Variants in UNC79 observed in about 807,000 individuals in gnomAD.
UNC79 encodes the protein protein unc-79 homolog.
In UNC79, 37 loss-of-function variants were observed where a neutral mutation model predicts 283.1. The ratio of observed to expected loss-of-function variants is 0.13; its 90% CI spans 0.10 to 0.17. The LOEUF (loss-of-function observed/expected upper bound fraction) is 0.17. Among genes scored for constraint, UNC79 ranks in the 10% least tolerant of loss-of-function variants. The pLI is 1.00. For synonymous variants in UNC79, 1,107 were observed against 1,200.2 expected, an observed-to-expected ratio of 0.92 and a Z score of 1.61; for missense variants, 2,272 against 3,211.1, an observed-to-expected ratio of 0.71 and a Z score of 7.07.
chr14:93,659,312 AC>A lies in UNC79; in HGVS notation c.6525+53del, dbSNP rs1274688701. 1.0e-5 allele frequency: 15 copies of A among 1,445,012 alleles called. No homozygotes were observed. In the East Asian group the frequency reaches 2.5e-4, roughly 24 times the overall value. The allele number at this position is 1,445,012 out of a possible 1,614,324, so 89.5% of individuals were successfully genotyped here. A position where few individuals can be genotyped will look rare whatever the true frequency, so the allele number is the denominator to read the frequency against. On this transcript the variant is annotated intron_variant, in intron 39 of 48. Coordinates refer to ENST00000555664, the Ensembl canonical transcript of UNC79. Reference sequence around the variant, plus strand: ...CCAATTGGTTAGTCAGTTTTTTTTAACCTAATGAGATAGGCTTGTAGCAATA... The same window carrying A: ...CCAATTGGTTAGTCAGTTTTTTTTAACTAATGAGATAGGCTTGTAGCAATA...
At chr14:93,446,100 G>T (rs551144195) in intron 1 of UNC79, among the ~76,000 whole-genome samples, 7 of 151,818 alleles carry the variant, frequency 4.6e-5, no homozygotes, top group Non-Finnish European at 8.8e-5. Flanking sequence ...TTGTTTCTCT[G>T]TTTCCTATTT....
At chr14:93,660,555 ATATATATATGTGTG>A (rs1422029797) in intron 39 of UNC79, among the ~76,000 whole-genome samples, 2 of 92,838 alleles carry the variant, frequency 2.2e-5, no homozygotes, top group African/African-American at 4.9e-5. Context: ...ATATATATAT[ATATATATATGTGTG>A]TGTGTGTGTG....
exon 1 of UNC79, chr14:93,333,246 C>G (rs1023921636): frequency 9.9e-6 from 4 of 402,090 alleles, no homozygotes; most frequent in Non-Finnish European, 1.7e-5. Context: ...GGGAGCCGGG[C>G]GTCGGGTCGC....
intron 1 of UNC79, among the ~76,000 whole-genome samples, chr14:93,443,394 A>T (rs1276969740): frequency 6.7e-6 from 1 of 149,030 alleles, no homozygotes; most frequent in Non-Finnish European, 1.5e-5. Context: ...AAATGGAATC[A>T]TTCAGTGCAT....
chr14:93,622,969 C>G (rs1323757082), intron 30 of UNC79, 128 bp downstream of exon 32: 1 of 1,237,442 alleles, frequency 8.1e-7, no homozygotes, highest in Non-Finnish European at 1.1e-6. Flanking sequence ...ATTATAATGG[C>G]TTCTCAATCA....
intron 1 of UNC79, among the ~76,000 whole-genome samples, chr14:93,362,405 A>G (rs1325714220): frequency 6.6e-6 from 1 of 151,806 alleles, no homozygotes; most frequent in Admixed American, 6.6e-5. Flanking sequence ...CTGGAGTGCA[A>G]TGGCGCTATC....
chr14:93,524,168 C>T (rs1181918583), intron 8 of UNC79, 126 bp downstream of exon 8: 3 of 1,015,024 alleles, frequency 3.0e-6, no homozygotes, highest in African/African-American at 1.6e-5. Context: ...CGAAGTACCT[C>T]CATATTCAAT....
At position 93,566,897 on chromosome 14, in the gene UNC79, T is replaced by G. The variant is rs188386669; in HGVS notation, c.1756-4997T>G. ...CTCCCAAAGTGCTGGGATTACAGGC[T>G]TGAGCCACCACGCTCGGCCTGGAAT... On this transcript the variant is annotated intron_variant, in intron 14 of 48. Coordinates refer to ENST00000555664, the Ensembl canonical transcript of UNC79. Among the ~76,000 whole-genome samples the G allele has an allele frequency of 8.1e-4, 123 of 152,076 alleles. 1 individual carries two copies. The highest frequency in any genetic ancestry group is 6.8e-3 in the Middle Eastern group (2 of 294).
intron 1 of UNC79, among the ~76,000 whole-genome samples, chr14:93,402,299 AGAAAAG>A (rs2055126842): frequency 6.8e-6 from 1 of 147,742 alleles, no homozygotes; most frequent in South Asian, 2.1e-4. Flanking sequence ...AAAAAAGAAA[AGAAAAG>A]AAAAAAAAAA....
At chr14:93,490,875 C>T (rs1595621233) in intron 5 of UNC79, among the ~76,000 whole-genome samples, 1 of 152,188 alleles carries the variant, frequency 6.6e-6, no homozygotes, top group African/African-American at 2.4e-5. Flanking sequence ...AAGCCACTTC[C>T]ACATTTTTAG....
At chr14:93,437,260 T>C (rs1220114398) in intron 1 of UNC79, 2 of 152,210 alleles carry the variant, frequency 1.3e-5, no homozygotes, top group African/African-American at 4.8e-5. Context: ...TTATTGCTTG[T>C]GCCTACTAGG....
intron 1 of UNC79, among the ~76,000 whole-genome samples, chr14:93,365,438 G>T (rs1385815040): frequency 6.7e-6 from 1 of 148,326 alleles, no homozygotes; most frequent in African/African-American, 2.5e-5. Context: ...CCAAATACTT[G>T]AGGAAAATCA....
chr14:93,594,326 G>A (rs1198563813), intron 23 of UNC79, among the ~76,000 whole-genome samples: 1 of 152,130 alleles, frequency 6.6e-6, no homozygotes, highest in African/African-American at 2.4e-5. Flanking sequence ...CTGAAGTGCA[G>A]TGGCATGATC....
intron 47 of UNC79, among the ~76,000 whole-genome samples, chr14:93,695,985 C>G (rs1033815887): frequency 2.0e-5 from 3 of 151,378 alleles, no homozygotes; most frequent in Non-Finnish European, 4.4e-5. Flanking sequence ...TCTCCCTGTC[C>G]CCAGATGACT....
At chr14:93,578,882 C>T (rs912284113) in intron 18 of UNC79, among the ~76,000 whole-genome samples, 1 of 152,202 alleles carries the variant, frequency 6.6e-6, no homozygotes, top group African/African-American at 2.4e-5. Context: ...TAGAAGCACT[C>T]ATTGCAATTA....
rs1465330971 is a variant in UNC79 at position 93,532,778 on chromosome 14, A to C, written c.1122+200A>C. On this transcript the variant is annotated intron_variant, in intron 11 of 48. Coordinates refer to ENST00000555664, the Ensembl canonical transcript of UNC79. The stretch of plus-strand genomic sequence containing the variant: ...TCTATTTCCATTTCTGCTTTTGCTC[A>C]CCCATCTTATGCACAATGCTTTTGT... Among the ~76,000 whole-genome samples the C allele has an allele frequency of 5.9e-5, 9 of 152,160 alleles. No homozygotes were observed. In the East Asian group the frequency reaches 1.7e-3, roughly 29 times the overall value.
intron 14 of UNC79, among the ~76,000 whole-genome samples, chr14:93,563,395 A>G (rs1271835250): frequency 6.6e-6 from 1 of 152,216 alleles, no homozygotes; most frequent in Non-Finnish European, 1.5e-5. Flanking sequence ...GACACTAATG[A>G]TGGAGGACCC....
intron 1 of UNC79, among the ~76,000 whole-genome samples, chr14:93,446,319 A>G (rs2056456756): frequency 6.6e-6 from 1 of 151,290 alleles, no homozygotes; most frequent in South Asian, 2.1e-4. Context: ...TATTTTCATT[A>G]TTCAGTTTAA....
chr14:93,538,300 T>A, intron 12 of UNC79, 82 bp downstream of exon 12: 1 of 1,353,894 alleles, frequency 7.4e-7, no homozygotes, highest in Non-Finnish European at 9.8e-7. Flanking sequence ...ATGTGCATAT[T>A]TAATGCAACC....
Sources: allele counts gnomAD v4.1 joint callset (sites outside exome capture counted in the v4.1 genomes callset), GRCh38; gene constraint gnomAD v4.1.1; transcripts MANE v1.5; gene names NCBI Gene and HGNC (gene_info 2026-07-23, HGNC 2026-07-21).